AMOTL1: variants seen among roughly 807,000 people sequenced by gnomAD.
The protein encoded by AMOTL1 is angiomotin like 1.
A neutral mutation model predicts 102.9 loss-of-function variants in AMOTL1; 45 were observed. The ratio of observed to expected loss-of-function variants is 0.44; its 90% CI spans 0.34 to 0.56. AMOTL1 has a LOEUF of 0.56. AMOTL1 is among the 20% of genes least tolerant of loss of function. The pLI, the probability that AMOTL1 is intolerant of heterozygous loss-of-function variation, is 0.01. For synonymous variants in AMOTL1, 481 were observed against 484.7 expected (o/e 0.99, Z 0.10); for missense variants, 1,114 against 1,225.6 (o/e 0.91, Z 1.36).
intron 6 of AMOTL1, among the ~76,000 whole-genome samples, chr11:94,833,396 T>C (rs967573657): frequency 6.6e-6 from 1 of 152,236 alleles, no homozygotes; most frequent in African/African-American, 2.4e-5. Context: ...GTTTTCTTAG[T>C]GAGTTGTAAG....
At chr11:94,739,252 T>A (rs1950483659) in intron 2 of AMOTL1, among the ~76,000 whole-genome samples, 1 of 152,084 alleles carries the variant, frequency 6.6e-6, no homozygotes, top group African/African-American at 2.4e-5. Context: ...AGAGGACAAA[T>A]GGGAGGATTC....
In AMOTL1 at chr11:94,869,586, T is replaced by C. The variant is rs1278493220; in HGVS notation, c.2764+113T>C. The C allele has an allele frequency of 8.0e-6, 10 of 1,249,904 alleles. No homozygotes were observed. The Admixed American group carries it at 1.7e-4, about 21-fold the overall frequency. The allele number at this position is 1,249,904 out of a possible 1,614,324, so 77.4% of individuals were successfully genotyped here. ...GGGGCACCCATCAGCTCTTACTCTATGGGGATGCTATTCTAATGCACTTAG... is the reference window on the plus strand; with the variant it reads ...GGGGCACCCATCAGCTCTTACTCTACGGGGATGCTATTCTAATGCACTTAG... On this transcript the variant is annotated intron_variant, in intron 12 of 12. Transcript: ENST00000433060.
intron 10 of AMOTL1, 93 bp downstream of exon 10, chr11:94,864,953 C>G: frequency 2.1e-6 from 3 of 1,446,346 alleles, no homozygotes; most frequent in Non-Finnish European, 2.8e-6. Context: ...TTCTGAAAGG[C>G]TGTGAGCATG....
In AMOTL1 at chr11:94,876,173, C is replaced by T. The variant is rs574833463; in HGVS notation, c.*5378C>T. ...ACACCTGTAAGTATTTATTACAAAACGGAATGTAAGCAAATATATCCACAT... is the reference window on the plus strand; with the variant it reads ...ACACCTGTAAGTATTTATTACAAAATGGAATGTAAGCAAATATATCCACAT... On this transcript the variant is annotated 3_prime_UTR_variant, in exon 13 of 13. Coordinates refer to ENST00000433060, the MANE Select transcript of AMOTL1 (RefSeq NM_130847.3). 7.2e-5 allele frequency: 11 copies of T among 152,690 alleles called. No individual in the cohort carries two copies. The highest frequency in any genetic ancestry group is 1.9e-4 in the African/African-American group (8 of 41,540). The allele number at this position is 152,690 out of a possible 1,614,324, so 9.5% of individuals were successfully genotyped here. A position where few individuals can be genotyped will look rare whatever the true frequency, so the allele number is the denominator to read the frequency against.
intron 6 of AMOTL1, among the ~76,000 whole-genome samples, chr11:94,846,415 A>G (rs1952412078): frequency 6.6e-6 from 1 of 152,216 alleles, no homozygotes; most frequent in Non-Finnish European, 1.5e-5. Flanking sequence ...GCCTTTTGAA[A>G]TAGGTACTAT....
At chr11:94,798,918 A>G (rs965265940) in intron 2 of AMOTL1, among the ~76,000 whole-genome samples, 8 of 152,230 alleles carry the variant, frequency 5.3e-5, no homozygotes, top group African/African-American at 1.9e-4. Flanking sequence ...TGGATGGAGC[A>G]TTTGGGAAGG....
At position 94,864,785 on chromosome 11, in the gene AMOTL1, C is replaced by T. The variant is rs1565387386; in HGVS notation, c.2186C>T (p.Ser729Leu). Residue 729 changes from serine to leucine, a missense_variant, in exon 10 of 13, where the codon TCG becomes TTG. Physicochemically the swap from Ser to Leu is moderately radical, Grantham distance 145 (BLOSUM62 -2). Transcript: ENST00000433060. Reference sequence around the variant, plus strand: ...CGGAATGGCAGCTACGGAGAGAGCTCGCTGGAGGCCCACATCTGGCAAGAG... The same window carrying T: ...CGGAATGGCAGCTACGGAGAGAGCTTGCTGGAGGCCCACATCTGGCAAGAG... ...HSRNGSYGESSLEAHIWQEEE... is the reference protein window; with the variant it reads ...HSRNGSYGESLLEAHIWQEEE... 6.2e-6 allele frequency: 10 copies of T among 1,613,706 alleles called. No homozygotes were observed. The highest frequency in any genetic ancestry group is 8.5e-6 in the Non-Finnish European group (10 of 1,179,730).
Position 94,799,826 on chromosome 11 carries a change from G to C in AMOTL1, c.636G>C (p.Gly212=). The change falls in exon 3 of 13, where the codon GGG becomes GGC. Residue 212 remains glycine, a synonymous_variant. Transcript: ENST00000433060. The surrounding 1 kb of genome is among the most constrained non-coding windows in gnomAD (Gnocchi z 4.5). ...RGQQQQQQQQ[G]AVGHGYYMAG... ...AGCAGCAGCAGCAACAGCAGCAGGG[G>C]GCGGTGGGCCATGGTTACTACATGG... 6.3e-7 allele frequency: 1 copy of C among 1,595,502 alleles called. No homozygotes were observed. The highest frequency in any genetic ancestry group is 8.5e-7 in the Non-Finnish European group (1 of 1,170,450).
At chr11:94,800,431 A>G (rs1951456442) in intron 3 of AMOTL1, 120 bp downstream of exon 3, 1 of 1,151,250 alleles carries the variant, frequency 8.7e-7, no homozygotes, top group Admixed American at 2.4e-5. Context: ...CTTATGCATG[A>G]TATTTAATAA....
At chr11:94,817,314 C>G (rs1951782949) in intron 3 of AMOTL1, among the ~76,000 whole-genome samples, 1 of 151,858 alleles carries the variant, frequency 6.6e-6, no homozygotes, top group Admixed American at 6.6e-5. Flanking sequence ...GTGTTTTAAA[C>G]TTTTTATATT....
intron 3 of AMOTL1, among the ~76,000 whole-genome samples, chr11:94,747,786 T>C (rs1314214293): frequency 1.3e-5 from 2 of 152,206 alleles, no homozygotes; most frequent in Non-Finnish European, 2.9e-5. Flanking sequence ...TACCATCTTC[T>C]AGGGGCTCAG....
At chr11:94,707,248 C>CTGTGTGTGTGTGTGTG (rs1225814157) in intron 1 of AMOTL1, among the ~76,000 whole-genome samples, 6 of 65,826 alleles carry the variant, frequency 9.1e-5, no homozygotes, top group African/African-American at 2.4e-4. Context: ...CTCTCTCTCT[C>CTGTGTGTGTGTGTGTG]TCTGTGTGTG....
chr11:94,826,883 G>GT (rs545636747), intron 4 of AMOTL1, among the ~76,000 whole-genome samples: 5 of 151,204 alleles, frequency 3.3e-5, no homozygotes, highest in Admixed American at 6.6e-5. Flanking sequence ...TAAGATCCTT[G>GT]TTTTTTTTTC....
chr11:94,866,737 A>G (rs2135740586), intron 11 of AMOTL1: 1 of 163,818 alleles, frequency 6.1e-6, no homozygotes, highest in East Asian at 1.7e-4. Context: ...TGGGGGGAGG[A>G]CAGTGTCTGC....
chr11:94,707,248 C>CTGTGTGTGTG (rs1225814157), intron 1 of AMOTL1, among the ~76,000 whole-genome samples: 36 of 65,922 alleles, frequency 5.5e-4, no homozygotes, highest in African/African-American at 1.3e-3. Flanking sequence ...CTCTCTCTCT[C>CTGTGTGTGTG]TCTGTGTGTG....
chr11:94,832,317 G>T (rs1952088889), intron 6 of AMOTL1, among the ~76,000 whole-genome samples: 1 of 152,182 alleles, frequency 6.6e-6, no homozygotes, highest in African/African-American at 2.4e-5. Flanking sequence ...ACAACAAAAA[G>T]TAATGTATTC....
intron 1 of AMOTL1, among the ~76,000 whole-genome samples, chr11:94,774,306 C>A (rs1219948706): frequency 6.6e-6 from 1 of 152,126 alleles, no homozygotes; most frequent in Non-Finnish European, 1.5e-5. Flanking sequence ...ATAAAATAAA[C>A]CTTTCTTTGC....
At chr11:94,820,914 G>A (rs915398605) in intron 3 of AMOTL1, among the ~76,000 whole-genome samples, 5 of 152,146 alleles carry the variant, frequency 3.3e-5, no homozygotes, top group East Asian at 3.9e-4. Flanking sequence ...GTGAACCATC[G>A]GGAATGGCTG....
chr11:94,866,295 G>A, intron 11 of AMOTL1, 127 bp downstream of exon 11: 1 of 928,306 alleles, frequency 1.1e-6, no homozygotes, highest in Non-Finnish European at 1.6e-6. Flanking sequence ...GTGAAGTGGG[G>A]AGGGAAATCA....
Sources: gnomAD v4.1 joint callset for allele counts (sites outside exome capture counted in the v4.1 genomes callset) on GRCh38, gnomAD v4.1.1 for gene constraint, Gnocchi (gnomAD v3.1) non-coding constraint, MANE v1.5 for transcripts, NCBI Gene and HGNC (gene_info 2026-07-23, HGNC 2026-07-21) for gene names.